Variants in RALYL observed in about 807,000 individuals in gnomAD.
The protein encoded by RALYL is RALY RNA binding protein like, also known as RNA-binding Raly-like protein.
RALYL carries 29 observed loss-of-function variants against 35.1 expected under a neutral mutation model. That is an observed-to-expected ratio of 0.83 (90% CI 0.61 to 1.13). The LOEUF is 1.13. Among genes scored for constraint, RALYL ranks in the 50% most tolerant of loss-of-function variants. The pLI, the probability that RALYL is intolerant of heterozygous loss-of-function variation, is 0.00. For missense variants in RALYL, 359 were observed against 360.4 expected, an observed-to-expected ratio of 1.00 and a Z score of 0.03; for synonymous variants, 120 against 127.6, an observed-to-expected ratio of 0.94 and a Z score of 0.40.
chr8:84,528,771 C>T (rs1393607980), intron 1 of RALYL, among the ~76,000 whole-genome samples: 1 of 151,932 alleles, frequency 6.6e-6, no homozygotes, highest in Non-Finnish European at 1.5e-5. Context: ...ACCATTTTTC[C>T]TTTTCCACAG....
At position 84,896,900 on chromosome 8, in the gene RALYL, A is replaced by G. The variant is rs947545058; in HGVS notation, c.858+9124A>G. Among the ~76,000 whole-genome samples the G allele has an allele frequency of 1.1e-4, 17 of 152,314 alleles. No individual in the cohort carries two copies. In the South Asian group the frequency reaches 1.5e-3, roughly 13 times the overall value. ...TCTCCAGATTTAGCAAATAAAATAC[A>G]GGACACTCAGTTAAAGTTGCATTTC... On this transcript the variant is annotated intron_variant, in intron 8 of 8. Coordinates refer to ENST00000521268, the MANE Select transcript of RALYL (RefSeq NM_173848.7).
intron 1 of RALYL, among the ~76,000 whole-genome samples, chr8:84,340,444 T>C (rs1848599496): frequency 6.6e-6 from 1 of 152,084 alleles, no homozygotes; most frequent in Non-Finnish European, 1.5e-5. Context: ...CCCATTTCCC[T>C]TCCTGCTAAC....
intron 1 of RALYL, among the ~76,000 whole-genome samples, chr8:84,381,345 A>G (rs138105372): frequency 1.8e-4 from 27 of 151,936 alleles, no homozygotes; most frequent in Non-Finnish European, 2.9e-4. Flanking sequence ...TGATTTTACC[A>G]TTTCCCATGT....
chr8:84,801,607 A>T (rs934039634), intron 3 of RALYL, among the ~76,000 whole-genome samples: 9 of 152,238 alleles, frequency 5.9e-5, no homozygotes, highest in Non-Finnish European at 1.5e-5. Flanking sequence ...AATGTAAATG[A>T]TAAATAGATC....
At chr8:84,289,966 A>C (rs1838436608) in intron 1 of RALYL, among the ~76,000 whole-genome samples, 2 of 152,150 alleles carry the variant, frequency 1.3e-5, no homozygotes, top group African/African-American at 2.4e-5. Flanking sequence ...CTGGGGTAGG[A>C]GACTGTCTGG....
intron 2 of RALYL, among the ~76,000 whole-genome samples, chr8:84,581,793 C>A (rs187221534): frequency 6.6e-5 from 10 of 151,870 alleles, no homozygotes; most frequent in Non-Finnish European, 1.5e-5. Flanking sequence ...ACATAGTAAG[C>A]CAAGTATCTT....
intron 2 of RALYL, chr8:84,679,780 G>A: frequency 2.0e-6 from 1 of 512,418 alleles, no homozygotes; most frequent in Non-Finnish European, 3.9e-6. Flanking sequence ...GATGAAGCCA[G>A]GGAAATTGGA....
At chr8:84,431,537 T>C (rs1226123862) in intron 1 of RALYL, among the ~76,000 whole-genome samples, 1 of 152,148 alleles carries the variant, frequency 6.6e-6, no homozygotes, top group Non-Finnish European at 1.5e-5. Flanking sequence ...TTGGCCAGCA[T>C]TTTCTCAACT....
At chr8:84,254,503 C>A (rs925717824) in intron 1 of RALYL, among the ~76,000 whole-genome samples, 4 of 151,968 alleles carry the variant, frequency 2.6e-5, no homozygotes, top group African/African-American at 4.8e-5. Context: ...GACACTGGGA[C>A]ATGTCATGGT....
intron 4 of RALYL, among the ~76,000 whole-genome samples, chr8:84,842,954 G>A (rs1376740974): frequency 1.3e-5 from 2 of 152,098 alleles, no homozygotes. Context: ...ATTAGGTATT[G>A]ATAGGATGTA....
chr8:84,802,055 A>C (rs1405628995), intron 3 of RALYL, among the ~76,000 whole-genome samples: 1 of 152,192 alleles, frequency 6.6e-6, no homozygotes, highest in Non-Finnish European at 1.5e-5. Context: ...CTTTTTCTAT[A>C]AAGGCCACAT....
intron 1 of RALYL, among the ~76,000 whole-genome samples, chr8:84,391,500 C>G (rs759439286): frequency 1.1e-4 from 16 of 152,014 alleles, no homozygotes; most frequent in Non-Finnish European, 1.9e-4. Context: ...GTTATTCTCA[C>G]CCCAAACCTC....
intron 1 of RALYL, among the ~76,000 whole-genome samples, chr8:84,266,959 CAAA>C (rs747403533): frequency 5.0e-5 from 3 of 60,390 alleles, no homozygotes; most frequent in Admixed American, 1.8e-4. Context: ...GACTCCGTCT[CAAA>C]AAAAAAAAAA....
intron 3 of RALYL, among the ~76,000 whole-genome samples, chr8:84,791,609 G>A (rs1820796466): frequency 1.3e-5 from 2 of 152,146 alleles, no homozygotes; most frequent in Non-Finnish European, 2.9e-5. Context: ...GACCAGGCAG[G>A]AGATGGTGAT....
intron 8 of RALYL, among the ~76,000 whole-genome samples, chr8:84,912,300 T>A (rs1235740878): frequency 6.6e-6 from 1 of 152,010 alleles, no homozygotes; most frequent in Non-Finnish European, 1.5e-5. Context: ...ATCACCCTTA[T>A]CATTTAGGAA....
At chr8:84,814,004 G>A (rs1018494344) in intron 4 of RALYL, among the ~76,000 whole-genome samples, 1 of 150,788 alleles carries the variant, frequency 6.6e-6, no homozygotes, top group African/African-American at 2.4e-5. Context: ...GCAGTGCTTG[G>A]TTTTTTATCC....
intron 2 of RALYL, among the ~76,000 whole-genome samples, chr8:84,589,866 A>C (rs763760456): frequency 6.6e-6 from 1 of 152,208 alleles, no homozygotes; most frequent in Non-Finnish European, 1.5e-5. Flanking sequence ...TTTCTATATC[A>C]TGTAGCTTGT....
At chr8:84,845,210 T>C (rs1403144722) in intron 4 of RALYL, among the ~76,000 whole-genome samples, 1 of 152,208 alleles carries the variant, frequency 6.6e-6, no homozygotes, top group Admixed American at 6.5e-5. Context: ...TTTTATTCCA[T>C]GAAAATGATT....
chr8:84,367,261 G>A (rs1172485999), intron 1 of RALYL, among the ~76,000 whole-genome samples: 3 of 135,416 alleles, frequency 2.2e-5, no homozygotes, highest in Non-Finnish European at 3.1e-5. Flanking sequence ...TCAGCCTCCC[G>A]AGTAACTGGG....
Sources: allele counts gnomAD v4.1 joint callset (sites outside exome capture counted in the v4.1 genomes callset), GRCh38; gene constraint gnomAD v4.1.1; transcripts MANE v1.5; gene names NCBI Gene and HGNC (gene_info 2026-07-23, HGNC 2026-07-21).